NBPF12: variants seen among roughly 807,000 people sequenced by gnomAD.
NBPF12 encodes the protein NBPF member 12.
Under a neutral mutation model 146.4 loss-of-function variants are expected in NBPF12, and 115 were observed. The ratio of observed to expected loss-of-function variants is 0.79; its 90% CI spans 0.68 to 0.92. The LOEUF (loss-of-function observed/expected upper bound fraction) is 0.92. Among genes scored for constraint, NBPF12 ranks in the 40% least tolerant of loss-of-function variants. The probability of loss-of-function intolerance (pLI) is 0.00; values close to 1 mark genes in which losing one functional copy is unlikely to be tolerated. For synonymous variants in NBPF12, 385 were observed against 508.9 expected (o/e 0.76, Z 3.28); for missense variants, 1,205 against 1,326.8 (o/e 0.91, Z 1.43).
At chr1:146,951,281 A>G (rs1201583888) in intron 1 of NBPF12, 67 bp from the exon 5 acceptor site, 52 of 707,138 alleles carry the variant, frequency 7.4e-5, no homozygotes, top group Non-Finnish European at 1.2e-5. Flanking sequence ...TCATGGTAAG[A>G]AAGTGTCTCA....
chr1:146,961,013 G>T (rs1490908633), intron 4 of NBPF12, among the ~76,000 whole-genome samples: 1 of 152,024 alleles, frequency 6.6e-6, no homozygotes, highest in Non-Finnish European at 1.5e-5. Context: ...GGGCGTCGTG[G>T]CGGGCAACTG....
intron 9 of NBPF12, 148 bp downstream of exon 12, chr1:146,966,821 G>A (rs1376068727): frequency 3.1e-6 from 2 of 650,848 alleles, no homozygotes; most frequent in Non-Finnish European, 5.6e-6. Flanking sequence ...TTTTGTTAAA[G>A]TTGGAAGACA....
At position 146,941,181 on chromosome 1, in the gene NBPF12, C is replaced by T. The variant is rs1255080539; in HGVS notation, c.-821-2110C>T. ...TTAGTGCAACCTCGACCTCCCAAGG[C>T]TCAGGTGATGCTCCTGCCTCAGTCC... On this transcript the variant is annotated intron_variant, in intron 1 of 35. Transcript: ENST00000617931. Among the ~76,000 whole-genome samples the T allele has an allele frequency of 3.3e-5, 5 of 151,372 alleles. No individual in the cohort carries two copies. The East Asian group carries it at 9.9e-4, about 30-fold the overall frequency.
At chr1:146,971,701 G>C (rs1187695766) in intron 13 of NBPF12, among the ~76,000 whole-genome samples, 3 of 150,370 alleles carry the variant, frequency 2.0e-5, no homozygotes, top group Non-Finnish European at 4.4e-5. Flanking sequence ...TAGGTGGGAG[G>C]ATCGGCTAAC....
intron 19 of NBPF12, among the ~76,000 whole-genome samples, chr1:146,980,624 G>C (rs1264142326): frequency 6.6e-6 from 1 of 151,976 alleles, no homozygotes; most frequent in South Asian, 2.1e-4. Flanking sequence ...TTTTCTTTAA[G>C]AATGTTGAAG....
At chr1:146,952,904 AG>A (rs1435127349) in intron 2 of NBPF12, among the ~76,000 whole-genome samples, 42 of 150,534 alleles carry the variant, frequency 2.8e-4, no homozygotes, top group African/African-American at 1.0e-3. Context: ...ACTCTTCCAC[AG>A]CCCCAATTCT....
intron 19 of NBPF12, among the ~76,000 whole-genome samples, chr1:146,981,293 AAATATAT>A (rs1366240724): frequency 9.3e-6 from 1 of 106,988 alleles, no homozygotes; most frequent in Non-Finnish European, 1.9e-5. Context: ...AAAAAAAAAA[AAATATAT>A]ATATATATAT....
chr1:146,971,111 A>C (rs1656583222), intron 12 of NBPF12, 72 bp from the exon 16 acceptor site: 1 of 1,605,454 alleles, frequency 6.2e-7, no homozygotes. Flanking sequence ...TGTCAAAACC[A>C]GCTAGGACTC....
chr1:146,995,585 C>G (rs1304849550), exon 34 of NBPF12: 2 of 151,594 alleles, frequency 1.3e-5, no homozygotes, highest in African/African-American at 2.4e-5. Context: ...GAGGACAGGT[C>G]AGCTCTCTGG....
Position 146,987,767 on chromosome 1 carries a change from T to G in NBPF12, c.3117-187T>G, listed in dbSNP as rs1216080616. Among the ~76,000 whole-genome samples, 32 of 144,738 alleles carry G rather than the reference T, an allele frequency of 2.2e-4. No homozygotes were observed. In the East Asian group the frequency reaches 5.8e-3, roughly 26 times the overall value. 95.0% of individuals were successfully genotyped at this position (144,738 alleles called of 152,430 possible). A position where few individuals can be genotyped will look rare whatever the true frequency, so the allele number is the denominator to read the frequency against. On this transcript the variant is annotated intron_variant, in intron 25 of 33. Transcript: ENST00000617844. Reference sequence around the variant, plus strand: ...TGTGTGTGTGTGTGTGTGTCTGTCTTTCTCTTTCATTCTTTTCCATTTGGC... The same window carrying G: ...TGTGTGTGTGTGTGTGTGTCTGTCTGTCTCTTTCATTCTTTTCCATTTGGC...
chr1:146,954,881 C>CA (rs1655498685), intron 2 of NBPF12, among the ~76,000 whole-genome samples: 2 of 102,996 alleles, frequency 1.9e-5, no homozygotes, highest in Non-Finnish European at 4.0e-5. Flanking sequence ...GTATACACAC[C>CA]CACACACACA....
chr1:146,981,294 A>AAATAT (rs1162326884), intron 19 of NBPF12, among the ~76,000 whole-genome samples: 3 of 90,224 alleles, frequency 3.3e-5, no homozygotes, highest in South Asian at 3.9e-4. Flanking sequence ...AAAAAAAAAA[A>AAATAT]ATATATATAT....
intron 6 of NBPF12, among the ~76,000 whole-genome samples, 198 bp downstream of exon 9, chr1:146,963,507 C>T (rs1314083916): frequency 6.6e-6 from 1 of 151,948 alleles, no homozygotes; most frequent in African/African-American, 2.4e-5. Context: ...TTGCAAGTGT[C>T]CCTCCTTCCT....
At chr1:146,946,215 G>C (rs1655058324), upstream of NBPF12, among the ~76,000 whole-genome samples, 1 of 151,404 alleles carries the variant, frequency 6.6e-6, no homozygotes, top group Non-Finnish European at 1.5e-5. Context: ...GTACTTCCAA[G>C]TTTTGACAAT....
chr1:146,939,985 A>G (rs1337366262), intron 1 of NBPF12, among the ~76,000 whole-genome samples: 1 of 1,910 alleles, frequency 5.2e-4, no homozygotes, highest in Non-Finnish European at 2.1e-3. Flanking sequence ...ACTCCCTCTA[A>G]AAAAAAAAAA....
intron 18 of NBPF12, among the ~76,000 whole-genome samples, chr1:146,978,594 C>T (rs1226641687): frequency 1.3e-5 from 2 of 151,858 alleles, no homozygotes; most frequent in Non-Finnish European, 2.9e-5. Context: ...TGTATAGATG[C>T]CTCTAAACAT....
chr1:146,987,733 T>TTGTGTGTGTGTGTGTGTGTGTG (rs782154969), intron 25 of NBPF12, among the ~76,000 whole-genome samples: 1 of 146,132 alleles, frequency 6.8e-6, no homozygotes, highest in African/African-American at 2.6e-5. Context: ...GTGTGTGTGT[T>TTGTGTGTGTGTGTGTGTGTGTG]TGTGTGTGTG....
intron 1 of NBPF12, among the ~76,000 whole-genome samples, chr1:146,941,775 AAAAG>A (rs1245509808): frequency 2.6e-4 from 37 of 141,330 alleles, no homozygotes; most frequent in Non-Finnish European, 2.9e-4. Flanking sequence ...AAAAAAAAAA[AAAAG>A]AAAGAAAAAA....
At position 146,962,273 on chromosome 1, in the gene NBPF12, C is replaced by G; in HGVS notation, c.278+10C>G. ...AAGCTGAGGAGCTCAGGTGAGGGGA[C>G]CCCATGGGGGGAGGCAGGCGGGTAG... On this transcript the variant is annotated intron_variant, in intron 5 of 33. Transcript: ENST00000617844. The G allele has an allele frequency of 6.2e-7, 1 of 1,601,400 alleles. No homozygotes were observed. Among genetic ancestry groups the G allele is most frequent in the Non-Finnish European group, 8.5e-7 (1 of 1,176,614 alleles).
Sources: allele counts gnomAD v4.1 joint callset (sites outside exome capture counted in the v4.1 genomes callset), GRCh38; gene constraint gnomAD v4.1.1; transcripts MANE v1.5; gene names NCBI Gene and HGNC (gene_info 2026-07-23, HGNC 2026-07-21).